LRRC4C: variants seen among roughly 807,000 people sequenced by gnomAD.
LRRC4C encodes the protein leucine-rich repeat-containing protein 4C.
Under a neutral mutation model 33.6 loss-of-function variants are expected in LRRC4C, and 5 were observed. That is an observed-to-expected ratio of 0.15 (90% CI 0.08 to 0.31). The LOEUF (loss-of-function observed/expected upper bound fraction) is 0.31. LRRC4C is among the 10% of genes least tolerant of loss of function. LRRC4C has a pLI of 1.00. For synonymous variants in LRRC4C, 329 were observed against 302.0 expected (o/e 1.09, Z -0.93); for missense variants, 560 against 796.7 (o/e 0.70, Z 3.58).
Position 40,196,993 on chromosome 11 carries a change from A to C in LRRC4C, c.-96+44526T>G, listed in dbSNP as rs576283457. Among the ~76,000 whole-genome samples, 5 of 152,310 alleles carry C rather than the reference A, an allele frequency of 3.3e-5. No individual in the cohort carries two copies. The East Asian group carries it at 9.6e-4, about 29-fold the overall frequency. On this transcript the variant is annotated intron_variant, in intron 5 of 6. Transcript: ENST00000528697. ...TAATTGGATAATTCAATATCACACT[A>C]TTGGGATACTGAAAGGGTTAAAATC...
At chr11:40,200,300 G>T (rs912899024) in intron 5 of LRRC4C, among the ~76,000 whole-genome samples, 1 of 151,250 alleles carries the variant, frequency 6.6e-6, no homozygotes. Flanking sequence ...GAAGGTGGAG[G>T]TTGCAGTGAG....
chr11:40,775,091 G>A (rs927349844), intron 2 of LRRC4C, among the ~76,000 whole-genome samples: 1 of 151,926 alleles, frequency 6.6e-6, no homozygotes, highest in African/African-American at 2.4e-5. Flanking sequence ...GATTGGGACT[G>A]GCCAGTTTTT....
Position 40,324,801 on chromosome 11 carries a change from G to C in LRRC4C, c.-269-5080C>G, listed in dbSNP as rs189742923. Among the ~76,000 whole-genome samples, 5 of 152,338 alleles carry C rather than the reference G, an allele frequency of 3.3e-5. No homozygotes were observed. In the East Asian group the frequency reaches 9.6e-4, roughly 29 times the overall value. Reference sequence around the variant, plus strand: ...ATAAGGACAAGGTTGGGGTCAGACAGGGTTTCTTAACTGAAGAGCGTAAGC... The same window carrying C: ...ATAAGGACAAGGTTGGGGTCAGACACGGTTTCTTAACTGAAGAGCGTAAGC... On this transcript the variant is annotated intron_variant, in intron 3 of 6. Coordinates refer to ENST00000528697, the MANE Select transcript of LRRC4C (RefSeq NM_001258419.2).
intron 3 of LRRC4C, among the ~76,000 whole-genome samples, chr11:40,591,436 C>A (rs1243581647): frequency 6.6e-6 from 1 of 152,168 alleles, no homozygotes; most frequent in Non-Finnish European, 1.5e-5. Context: ...AATCACCCGT[C>A]TTCTGCATCA....
chr11:40,396,714 T>C (rs569064059), intron 3 of LRRC4C, among the ~76,000 whole-genome samples: 2 of 152,228 alleles, frequency 1.3e-5, no homozygotes, highest in Admixed American at 1.3e-4. Flanking sequence ...GGAAATAACA[T>C]ACATTTTTTA....
At chr11:40,630,442 G>A (rs566033506) in intron 3 of LRRC4C, among the ~76,000 whole-genome samples, 1 of 129,030 alleles carries the variant, frequency 7.8e-6, no homozygotes, top group Admixed American at 8.4e-5. Context: ...TTGATAGTCA[G>A]TTTACCACTA....
chr11:40,150,473 G>A (rs2135104228), intron 5 of LRRC4C, among the ~76,000 whole-genome samples: 1 of 152,334 alleles, frequency 6.6e-6, no homozygotes, highest in Non-Finnish European at 1.5e-5. Context: ...TTCTTTAAAA[G>A]AGACATGGTC....
chr11:41,030,086 G>A (rs561555094), intron 1 of LRRC4C, among the ~76,000 whole-genome samples: 2 of 151,920 alleles, frequency 1.3e-5, no homozygotes, highest in South Asian at 4.1e-4. Flanking sequence ...TTGCAATTCA[G>A]TGCTCATCTC....
At chr11:40,422,771 T>A (rs1950565873) in intron 3 of LRRC4C, among the ~76,000 whole-genome samples, 1 of 152,154 alleles carries the variant, frequency 6.6e-6, no homozygotes, top group African/African-American at 2.4e-5. Context: ...TGTTGGGCAT[T>A]GAGGGACAGT....
intron 4 of LRRC4C, among the ~76,000 whole-genome samples, chr11:40,274,444 C>T (rs1942948017): frequency 6.6e-6 from 1 of 151,274 alleles, no homozygotes; most frequent in South Asian, 2.1e-4. Flanking sequence ...CACACACACA[C>T]ACACACACAC....
chr11:41,150,513 C>G (rs1318232074), intron 1 of LRRC4C, among the ~76,000 whole-genome samples: 2 of 151,992 alleles, frequency 1.3e-5, no homozygotes, highest in African/African-American at 2.4e-5. Flanking sequence ...ATGATTTTGC[C>G]AGGCGCGGTG....
intron 1 of LRRC4C, among the ~76,000 whole-genome samples, chr11:41,435,288 A>G (rs1224726643): frequency 6.6e-6 from 1 of 152,194 alleles, no homozygotes; most frequent in Non-Finnish European, 1.5e-5. Flanking sequence ...GATTCCAGTA[A>G]TATTTTGTGG....
At chr11:41,336,425 A>G (rs1394506816) in intron 1 of LRRC4C, among the ~76,000 whole-genome samples, 1 of 135,292 alleles carries the variant, frequency 7.4e-6, no homozygotes, top group African/African-American at 2.7e-5. Flanking sequence ...CAGTGGGAAA[A>G]AAAAATAAAA....
intron 2 of LRRC4C, among the ~76,000 whole-genome samples, chr11:40,847,430 T>C (rs1371305358): frequency 6.6e-6 from 1 of 152,210 alleles, no homozygotes. Flanking sequence ...ATTGTTTCTG[T>C]TTATGTGATG....
chr11:41,045,689 A>G (rs1051588474), intron 1 of LRRC4C, among the ~76,000 whole-genome samples: 2 of 152,140 alleles, frequency 1.3e-5, no homozygotes, highest in South Asian at 2.1e-4. Flanking sequence ...TGGATTAGCC[A>G]TCTCTCAGTA....
At chr11:40,913,002 C>T (rs368894783) in intron 2 of LRRC4C, among the ~76,000 whole-genome samples, 1 of 152,144 alleles carries the variant, frequency 6.6e-6, no homozygotes, top group Non-Finnish European at 1.5e-5. Context: ...GCTAACTATC[C>T]TAAATATATA....
intron 1 of LRRC4C, among the ~76,000 whole-genome samples, chr11:41,253,839 G>A (rs1240108447): frequency 6.6e-6 from 1 of 152,072 alleles, no homozygotes; most frequent in African/African-American, 2.4e-5. Flanking sequence ...ACTAATGACG[G>A]CGGCAGTTTT....
intron 1 of LRRC4C, among the ~76,000 whole-genome samples, chr11:41,399,619 C>G (rs1422737555): frequency 1.3e-5 from 2 of 151,916 alleles, no homozygotes; most frequent in East Asian, 3.9e-4. Context: ...TAATCCTTTG[C>G]ATGCTTTGCC....
intron 2 of LRRC4C, among the ~76,000 whole-genome samples, chr11:40,755,975 TGTGGG>T (rs1035686583): frequency 2.0e-5 from 3 of 151,976 alleles, no homozygotes; most frequent in Non-Finnish European, 4.4e-5. Flanking sequence ...ATGAAGCCAT[TGTGGG>T]GTGCCTGTTT....
Sources: gnomAD v4.1 joint callset for allele counts (sites outside exome capture counted in the v4.1 genomes callset) on GRCh38, gnomAD v4.1.1 for gene constraint, MANE v1.5 for transcripts, NCBI Gene and HGNC (gene_info 2026-07-23, HGNC 2026-07-21) for gene names.